Variants in HEXA observed in about 807,000 individuals in gnomAD.
HEXA encodes the protein hexosaminidase subunit alpha.
HEXA carries 54 observed loss-of-function variants against 73.3 expected under a neutral mutation model. The ratio of observed to expected loss-of-function variants is 0.74; its 90% CI spans 0.59 to 0.92. The LOEUF is 0.92. HEXA is among the 40% of genes least tolerant of loss of function. The pLI, the probability that HEXA is intolerant of heterozygous loss-of-function variation, is 0.00. For missense variants in HEXA, 649 were observed against 653.0 expected, an observed-to-expected ratio of 0.99 and a Z score of 0.07; for synonymous variants, 230 against 246.9, an observed-to-expected ratio of 0.93 and a Z score of 0.64.
chr15:72,366,375 C>T (rs1229695598), intron 1 of HEXA, among the ~76,000 whole-genome samples: 16 of 151,416 alleles, frequency 1.1e-4, no homozygotes, highest in Non-Finnish European at 5.9e-5. Context: ...GTGGCGCGAT[C>T]TCAGCTCACT....
At chr15:72,362,049 G>A (rs2088858439) in intron 1 of HEXA, among the ~76,000 whole-genome samples, 1 of 152,128 alleles carries the variant, frequency 6.6e-6, no homozygotes, top group Non-Finnish European at 1.5e-5. Flanking sequence ...GAATTCACTG[G>A]GTAATCATAA....
At chr15:72,353,905 G>C (rs2088737152) in intron 3 of HEXA, 168 bp from the exon 4 acceptor site, 2 of 674,866 alleles carry the variant, frequency 3.0e-6, no homozygotes, top group Non-Finnish European at 5.5e-6. Context: ...ATATTAGGAA[G>C]CCACTATCCA....
intron 1 of HEXA, chr15:72,362,412 C>CAG (rs1367976550): frequency 4.4e-6 from 2 of 455,664 alleles, no homozygotes; most frequent in African/African-American, 4.0e-5. Flanking sequence ...GGACCAATCT[C>CAG]AGTGTCTTTG....
In HEXA at chr15:72,351,320, C is replaced by T. The variant is rs532813213; in HGVS notation, c.571-86G>A. On this transcript the variant is annotated intron_variant, in intron 5 of 13. Transcript: ENST00000268097. Reference sequence around the variant, plus strand: ...TGCGATGTTGGGCGAGCTCTCAGGCCGCTCCACACACCCCTACAGGCTTGA... The same window carrying T: ...TGCGATGTTGGGCGAGCTCTCAGGCTGCTCCACACACCCCTACAGGCTTGA... The T allele has an allele frequency of 3.1e-4, 261 of 840,506 alleles. 1 individual carries two copies. The highest frequency in any genetic ancestry group is 1.8e-3 in the South Asian group (136 of 74,550). 52.1% of individuals were successfully genotyped at this position (840,506 alleles called of 1,614,324 possible).
chr15:72,345,318 G>A (rs1336991064), intron 13 of HEXA, 128 bp downstream of exon 13: 6 of 1,518,544 alleles, frequency 4.0e-6, no homozygotes, highest in Admixed American at 2.0e-5. Context: ...TTGAATCCGT[G>A]GATGAGGGCT....
chr15:72,365,576 C>A (rs185772308), intron 1 of HEXA, among the ~76,000 whole-genome samples: 1 of 152,122 alleles, frequency 6.6e-6, no homozygotes, highest in Non-Finnish European at 1.5e-5. Context: ...GCCTCCTCTA[C>A]CCCTAAAATT....
chr15:72,364,172 C>A (rs914986852), intron 1 of HEXA, among the ~76,000 whole-genome samples: 3 of 151,810 alleles, frequency 2.0e-5, no homozygotes, highest in Admixed American at 1.3e-4. Flanking sequence ...TGGGAGGCTG[C>A]GGCAGGAGAA....
At chr15:72,361,304 C>T (rs1039892436) in intron 1 of HEXA, among the ~76,000 whole-genome samples, 14 of 152,180 alleles carry the variant, frequency 9.2e-5, no homozygotes, top group African/African-American at 3.1e-4. Context: ...TCTTGGTTTT[C>T]CTTCTAACTC....
intron 1 of HEXA, chr15:72,358,216 T>C (rs1023186296): frequency 1.3e-4 from 20 of 152,288 alleles, no homozygotes; most frequent in African/African-American, 4.3e-4. Flanking sequence ...CCACACATCA[T>C]GGAGCCCCAA....
chr15:72,365,152 C>CGATCTCG (rs2088900032), intron 1 of HEXA, among the ~76,000 whole-genome samples: 1 of 152,216 alleles, frequency 6.6e-6, no homozygotes, highest in African/African-American at 2.4e-5. Flanking sequence ...TGCAATGGCG[C>CGATCTCG]GATCTCGGCT....
intron 7 of HEXA, 185 bp downstream of exon 7, chr15:72,350,333 G>C (rs1342619454): frequency 1.6e-5 from 11 of 702,656 alleles, no homozygotes; most frequent in Non-Finnish European, 2.5e-5. Flanking sequence ...TATTTTAATA[G>C]TAAGAAGCAG....
rs1460711083 is a variant in HEXA, at chr15:72,356,914, C to T, written c.254-297G>A. 18 of 481,198 alleles carry T rather than the reference C, an allele frequency of 3.7e-5. No individual in the cohort carries two copies. In the East Asian group the frequency reaches 7.1e-4, roughly 19 times the overall value. 29.8% of individuals were successfully genotyped at this position (481,198 alleles called of 1,614,324 possible). On this transcript the variant is annotated intron_variant, in intron 1 of 13. Coordinates refer to ENST00000268097, the MANE Select transcript of HEXA (RefSeq NM_000520.6). ...TTGGCCTGTACCAAACAAACAACTC[C>T]ATGACCTCAACAACTGCTTCTGAAT... is the stretch of plus-strand genomic sequence containing the variant.
rs1305641242 is a variant in HEXA, at chr15:72,375,789, C to T, written c.184G>A (p.Asp62Asn). ...TCACGATAGCGCTGGAAGGCCTCGT[C>T]GAGGACTGAGCAGCCGGGCTGCGCG... ...SAAQPGCSVLDEAFQRYRDLL... is the reference protein window; with the variant it reads ...SAAQPGCSVLNEAFQRYRDLL... The change falls in exon 1 of 14, where the codon GAC becomes AAC. Residue 62 changes from aspartate (D) to asparagine (N), a missense_variant. Transcript: ENST00000268097. 4 of 1,614,116 alleles carry T rather than the reference C, an allele frequency of 2.5e-6. No individual in the cohort carries two copies. The African/African-American group carries it at 5.3e-5, about 22-fold the overall frequency.
At position 72,375,754 on chromosome 15, in the gene HEXA, G is replaced by GTTT. The variant is rs1555475468; in HGVS notation, c.218_219insAAA (p.Phe73delinsLeuAsn). On this transcript the variant is annotated protein_altering_variant, in exon 1 of 14. Transcript: ENST00000268097. ...AAGGACGGGGCCAAGACCCGGAACC[G>GTTT]AAAAGCAGGTCACGATAGCGCTGGA... 1 of 1,614,212 alleles carries GTTT rather than the reference G, an allele frequency of 6.2e-7. No homozygotes were observed. Among genetic ancestry groups the GTTT allele is most frequent in the Non-Finnish European group, 8.5e-7 (1 of 1,180,026 alleles).
chr15:72,370,781 A>G, intron 1 of HEXA: 2 of 395,206 alleles, frequency 5.1e-6, no homozygotes, highest in Non-Finnish European at 8.9e-6. Flanking sequence ...AAGCTAATCT[A>G]GGCCCTGGGA....
In HEXA at chr15:72,345,827, T is replaced by G. The variant is rs1245375842; in HGVS notation, c.1422-277A>C. On this transcript the variant is annotated intron_variant, in intron 12 of 13. Transcript: ENST00000268097. ...ACCTTAAAGCCATCATTAACCACAATGACAGTGGCAGCAGCAGAGGTCCTT... is the reference window on the plus strand; with the variant it reads ...ACCTTAAAGCCATCATTAACCACAAGGACAGTGGCAGCAGCAGAGGTCCTT... 4 of 543,762 alleles carry G rather than the reference T, an allele frequency of 7.4e-6. No individual in the cohort carries two copies. In the East Asian group the frequency reaches 1.3e-4, roughly 18 times the overall value. 33.7% of individuals were successfully genotyped at this position (543,762 alleles called of 1,614,324 possible).
chr15:72,357,560 C>T (rs1346028355), intron 1 of HEXA: 1 of 152,268 alleles, frequency 6.6e-6, no homozygotes, highest in Non-Finnish European at 1.5e-5. Context: ...CAAGCCTTAA[C>T]TTAATGAACC....
chr15:72,346,229 C>A lies in HEXA; in HGVS notation c.1421+6G>T, dbSNP rs1035068915. On this transcript the variant is annotated splice_donor_region_variant and intron_variant, in intron 12 of 13. Coordinates refer to ENST00000268097, the MANE Select transcript of HEXA (RefSeq NM_000520.6). ...AACCCTCCACCTCCCCCCCGAAAACCCTTACCAGAGCCTGGGGACCAGGTT... is the reference window on the plus strand; with the variant it reads ...AACCCTCCACCTCCCCCCCGAAAACACTTACCAGAGCCTGGGGACCAGGTT... The A allele has an allele frequency of 1.9e-6, 3 of 1,611,864 alleles. No homozygotes were observed. The highest frequency in any genetic ancestry group is 1.1e-5 in the South Asian group (1 of 90,924).
chr15:72,375,721 TGTGAG>T lies in HEXA; in HGVS notation c.247_251del (p.Leu83ArgfsTer21). On this transcript the variant is annotated frameshift_variant and splice_region_variant, in exon 1 of 14. Transcript: ENST00000268097. LOFTEE classifies it high-confidence loss of function. ...CAGGGCGGGACAAGTCCGACTCACC[TGTGAG>T]GTAAGGACGGGGCCAAGACCCGGAA... The T allele has an allele frequency of 6.2e-7, 1 of 1,614,060 alleles. No homozygotes were observed. Among genetic ancestry groups the T allele is most frequent in the Non-Finnish European group, 8.5e-7 (1 of 1,179,986 alleles).
Sources: allele counts gnomAD v4.1 joint callset (sites outside exome capture counted in the v4.1 genomes callset), GRCh38; gene constraint gnomAD v4.1.1; transcripts MANE v1.5; gene names NCBI Gene and HGNC (gene_info 2026-07-23, HGNC 2026-07-21).